The following TP73 variants were observed in gnomAD, a reference collection of about 807,000 sequenced individuals.
TP73 encodes the protein tumor protein p73.
A neutral mutation model predicts 62.5 loss-of-function variants in TP73; 25 were observed. The ratio of observed to expected loss-of-function variants is 0.40; its 90% CI spans 0.29 to 0.56. The LOEUF is 0.56. Ranked by LOEUF, TP73 falls within the 20% of genes least tolerant of loss-of-function variation. The pLI, the probability that TP73 is intolerant of heterozygous loss-of-function variation, is 0.46. For missense variants in TP73, 754 were observed against 913.3 expected, an observed-to-expected ratio of 0.83 and a Z score of 2.25; for synonymous variants, 423 against 377.5, an observed-to-expected ratio of 1.12 and a Z score of -1.40.
chr1:3,699,538 C>T lies in TP73; in HGVS notation c.187-8011C>T, dbSNP rs113289380. Reference sequence around the variant, plus strand: ...CCCTCAGGAGACTCCAGGCAGGCCCCGATGCCAGACTCCAGCCCTCAAACA... The same window carrying T: ...CCCTCAGGAGACTCCAGGCAGGCCCTGATGCCAGACTCCAGCCCTCAAACA... On this transcript the variant is annotated intron_variant, in intron 3 of 13. Coordinates refer to ENST00000378295, the MANE Select transcript of TP73 (RefSeq NM_005427.4). The surrounding 1 kb of genome is among the most constrained non-coding windows in gnomAD (Gnocchi z 4.1). Among the ~76,000 whole-genome samples the T allele has an allele frequency of 0.018, 2,770 of 152,284 alleles. 80 individuals are homozygous for T. Among genetic ancestry groups the T allele is most frequent in the African/African-American group, 0.063 (2,607 of 41,548 alleles).
chr1:3,725,355 G>A lies in TP73; in HGVS notation c.733-1760G>A, dbSNP rs539628614. On this transcript the variant is annotated intron_variant, in intron 6 of 13. Coordinates refer to ENST00000378295, the MANE Select transcript of TP73 (RefSeq NM_005427.4). ...GGGGTTCAGTGATCTTCATGAATGG[G>A]TGGCTGGATGGGGTGAGTGGGTGGA... is the stretch of plus-strand genomic sequence containing the variant. Among the ~76,000 whole-genome samples, 26 of 149,538 alleles carry A rather than the reference G, an allele frequency of 1.7e-4. 1 individual carries two copies. The East Asian group carries it at 5.0e-3, about 29-fold the overall frequency.
At chr1:3,714,165 C>A (rs1640397510) in intron 4 of TP73, 1 of 152,228 alleles carries the variant, frequency 6.6e-6, no homozygotes, top group Non-Finnish European at 1.5e-5. Flanking sequence ...TAGCAAAAAC[C>A]TAGATTCTAG....
chr1:3,693,135 G>C (rs1358735050), intron 3 of TP73, among the ~76,000 whole-genome samples: 1 of 152,164 alleles, frequency 6.6e-6, no homozygotes, highest in East Asian at 1.9e-4. Flanking sequence ...TCCCTCTCGG[G>C]GGGAGGTGGG....
At chr1:3,673,495 C>T (rs968227628) in intron 1 of TP73, among the ~76,000 whole-genome samples, 3 of 152,196 alleles carry the variant, frequency 2.0e-5, no homozygotes, top group Non-Finnish European at 4.4e-5. Flanking sequence ...TTCCACCTAG[C>T]GCTTCTAGGA....
intron 3 of TP73, among the ~76,000 whole-genome samples, chr1:3,700,464 G>T (rs970680135): frequency 6.6e-6 from 1 of 152,036 alleles, no homozygotes; most frequent in Non-Finnish European, 1.5e-5. Context: ...GACTAGGGGG[G>T]AACAGGGACA....
chr1:3,713,722 G>A (rs1273381500), intron 4 of TP73, among the ~76,000 whole-genome samples: 2 of 152,190 alleles, frequency 1.3e-5, no homozygotes, highest in East Asian at 1.9e-4. Flanking sequence ...GGAAGAGGGG[G>A]ACAGACAATT....
At chr1:3,728,292 T>C (rs1641846046) in intron 9 of TP73, 75 bp downstream of exon 9, 19 of 1,490,066 alleles carry the variant, frequency 1.3e-5, no homozygotes, top group Middle Eastern at 1.7e-4. Context: ...GGCTGGGCCA[T>C]GGGGAGGGAC....
rs898696608 is a variant in TP73, at chr1:3,727,326, G to A, written c.842+102G>A. 3.6e-5 allele frequency: 44 copies of A among 1,209,452 alleles called. No homozygotes were observed. In the Admixed American group the frequency reaches 8.9e-4, roughly 24 times the overall value. 74.9% of individuals were successfully genotyped at this position (1,209,452 alleles called of 1,614,324 possible). A position where few individuals can be genotyped will look rare whatever the true frequency, so the allele number is the denominator to read the frequency against. The stretch of plus-strand genomic sequence containing the variant: ...GAGACCTGCAGGCCAAGGCTAGCTT[G>A]GGGAAGAGACTTTGGGGTGTGCTGC... On this transcript the variant is annotated intron_variant, in intron 7 of 13. Transcript: ENST00000378295.
intron 10 of TP73, 153 bp downstream of exon 10, chr1:3,729,601 C>T (rs1324681882): frequency 2.2e-6 from 3 of 1,387,606 alleles, no homozygotes; most frequent in Admixed American, 1.7e-5. Context: ...CACATCTCCT[C>T]CTCCAGGAAG....
At chr1:3,725,413 G>A (rs1215801383) in intron 6 of TP73, among the ~76,000 whole-genome samples, 1 of 148,212 alleles carries the variant, frequency 6.7e-6, no homozygotes, top group African/African-American at 2.5e-5. Flanking sequence ...TGGGGTGGAT[G>A]AATGGATGGA....
chr1:3,682,556 GC>G, intron 2 of TP73, 126 bp downstream of exon 2: 1 of 948,180 alleles, frequency 1.1e-6, no homozygotes, highest in Non-Finnish European at 1.5e-6. Flanking sequence ...CTCTGGGCTA[GC>G]CCCAGCCACC....
At chr1:3,668,338 G>A (rs573525130) in intron 1 of TP73, among the ~76,000 whole-genome samples, 1 of 152,156 alleles carries the variant, frequency 6.6e-6, no homozygotes, top group African/African-American at 2.4e-5. Context: ...ACACACATCC[G>A]TGCTGTCCAC....
chr1:3,663,884 T>C lies in TP73; in HGVS notation c.-34+11243T>C, dbSNP rs1366001645. Among the ~76,000 whole-genome samples the C allele has an allele frequency of 1.3e-5, 2 of 152,076 alleles. No homozygotes were observed. The highest frequency in any genetic ancestry group is 2.1e-4 in the South Asian group (1 of 4,824). The stretch of plus-strand genomic sequence containing the variant: ...GGGTGACAGGGAGCAGGAGAGAGCA[T>C]ACCTGCTTTCCCTGGCTTCTCAGAT... On this transcript the variant is annotated intron_variant, in intron 1 of 13. Coordinates refer to ENST00000378295, the MANE Select transcript of TP73 (RefSeq NM_005427.4). This position sits in a 1 kb window ranked among gnomAD's most constrained non-coding sequence, Gnocchi z 4.7.
rs141574713 is a variant in TP73, at chr1:3,654,976, G to A, written c.-34+2335G>A. ...GAGCCGCACACCCACTCCAGAACCC[G>A]GACGAGGCCCTGCCCTTGCCCAGCG... On this transcript the variant is annotated intron_variant, in intron 1 of 13. Transcript: ENST00000378295. 6.4e-3 allele frequency among the ~76,000 whole-genome samples: 968 copies of A among 152,364 alleles called. 12 individuals are homozygous for A. Among genetic ancestry groups the A allele is most frequent in the African/African-American group, 0.021 (881 of 41,590 alleles).
intron 3 of TP73, among the ~76,000 whole-genome samples, chr1:3,685,322 C>T (rs1279479680): frequency 1.3e-5 from 2 of 152,164 alleles, no homozygotes; most frequent in African/African-American, 2.4e-5. Context: ...CCTGCTGGAA[C>T]GTGCCACTCC....
chr1:3,664,107 C>A (rs1645059156), intron 1 of TP73, among the ~76,000 whole-genome samples: 1 of 152,236 alleles, frequency 6.6e-6, no homozygotes, highest in Non-Finnish European at 1.5e-5. Flanking sequence ...ACTTGAGGTG[C>A]CCAAGTGAGG....
chr1:3,667,508 T>C (rs1320260407), intron 1 of TP73, among the ~76,000 whole-genome samples: 2 of 152,154 alleles, frequency 1.3e-5, no homozygotes, highest in Non-Finnish European at 2.9e-5. Flanking sequence ...CCCAGCACTT[T>C]GGGAGGCCGA....
At chr1:3,667,252 C>T (rs866262663) in intron 1 of TP73, among the ~76,000 whole-genome samples, 10 of 152,206 alleles carry the variant, frequency 6.6e-5, no homozygotes, top group African/African-American at 1.9e-4. Context: ...TGTATTCTCC[C>T]GGGGTCTCCA....
At chr1:3,725,992 TG>T (rs1401666044) in intron 6 of TP73, among the ~76,000 whole-genome samples, 13 of 69,326 alleles carry the variant, frequency 1.9e-4, no homozygotes, top group Non-Finnish European at 1.9e-4. Flanking sequence ...GATGGATGGA[TG>T]GGATGGGTGG....
Sources: allele counts gnomAD v4.1 joint callset (sites outside exome capture counted in the v4.1 genomes callset), GRCh38; gene constraint gnomAD v4.1.1; non-coding constraint Gnocchi (gnomAD v3.1); transcripts MANE v1.5; gene names NCBI Gene and HGNC (gene_info 2026-07-23, HGNC 2026-07-21).